The following ESM1 variants were observed in gnomAD, a reference collection of about 807,000 sequenced individuals.
ESM1 encodes the protein endothelial cell-specific molecule 1.
ESM1 carries 7 observed loss-of-function variants against 14.9 expected under a neutral mutation model. The ratio of observed to expected loss-of-function variants is 0.47; its 90% CI spans 0.27 to 0.88. The LOEUF is 0.88. ESM1 is among the 40% of genes least tolerant of loss of function. The probability of loss-of-function intolerance (pLI) is 0.14; values close to 1 mark genes in which losing one functional copy is unlikely to be tolerated. For missense variants in ESM1, 192 were observed against 237.9 expected (o/e 0.81, Z 1.27); for synonymous variants, 89 against 89.4 (o/e 1.00, Z 0.02).
chr5:54,983,802 T>C (rs539720449), intron 1 of ESM1, among the ~76,000 whole-genome samples: 1 of 152,330 alleles, frequency 6.6e-6, no homozygotes, highest in African/African-American at 2.4e-5. Flanking sequence ...TACAATCACA[T>C]GTACAAAGGC....
Position 54,985,512 on chromosome 5 carries a change from C to T in ESM1, c.6G>A (p.Lys2=), listed in dbSNP as rs766873594. 1 of 1,590,604 alleles carries T rather than the reference C, an allele frequency of 6.3e-7. No individual in the cohort carries two copies. The highest frequency in any genetic ancestry group is 8.6e-7 in the Non-Finnish European group (1 of 1,162,876). M[K]SVLLLTTLLV... ...GGAGCGTGGTCAGCAGCAAGACGCT[C>T]TTCATGTTTCCCAGCTGCCTCCGGC... is the stretch of plus-strand genomic sequence containing the variant. Residue 2 remains lysine (K), a synonymous_variant, in exon 1 of 3, where the codon AAG becomes AAA. Transcript: ENST00000381405.
intron 1 of ESM1, among the ~76,000 whole-genome samples, chr5:54,982,437 A>T (rs967027808): frequency 1.2e-4 from 18 of 152,322 alleles, no homozygotes; most frequent in African/African-American, 4.1e-4. Flanking sequence ...CATTCTGGTG[A>T]TGTTCTGCTT....
At chr5:54,984,573 G>A (rs534557913) in intron 1 of ESM1, among the ~76,000 whole-genome samples, 84 of 152,100 alleles carry the variant, frequency 5.5e-4, no homozygotes, top group African/African-American at 1.9e-3. Flanking sequence ...TTTCTCTATT[G>A]TTATTTTTCC....
chr5:54,985,493 T>C lies in ESM1; in HGVS notation c.25A>G (p.Thr9Ala). The C allele has an allele frequency of 1.2e-6, 2 of 1,601,110 alleles. No homozygotes were observed. The highest frequency in any genetic ancestry group is 1.7e-6 in the Non-Finnish European group (2 of 1,169,678). ...ACCAGGTGTGCAGGCACGAGGAGCG[T>C]GGTCAGCAGCAAGACGCTCTTCATG... MKSVLLLT[T>A]LLVPAHLVAA... The change falls in exon 1 of 3, where the codon ACG (threonine) becomes GCG (alanine). Residue 9 changes from threonine to alanine, a missense_variant. Thr to Ala is a moderately conservative substitution (Grantham distance 58, BLOSUM62 0). Transcript: ENST00000381405.
intron 1 of ESM1, among the ~76,000 whole-genome samples, 198 bp from the exon 2 acceptor site, chr5:54,982,344 T>C (rs1034156309): frequency 1.3e-5 from 2 of 152,154 alleles, no homozygotes; most frequent in Non-Finnish European, 2.9e-5. Context: ...TAAGAACAGA[T>C]AATGGATGCC....
chr5:54,979,348 C>A lies in ESM1; in HGVS notation c.539G>T (p.Trp180Leu), dbSNP rs756683828. Residue 180 changes from tryptophan (W) to leucine (L), a missense_variant, in exon 3 of 3, where the codon TGG (tryptophan) becomes TTG (leucine). Coordinates refer to ENST00000381405, the MANE Select transcript of ESM1 (RefSeq NM_007036.5). Reference sequence around the variant, plus strand: ...CAGCCGGGATCAGCGTGGATTTAACCATTTCCTCATTACGGGAGACCCGGC... The same window carrying A: ...CAGCCGGGATCAGCGTGGATTTAACAATTTCCTCATTACGGGAGACCCGGC... ...NAAGSPVMRK[W>L]LNPR The A allele has an allele frequency of 4.3e-6, 7 of 1,613,076 alleles. No homozygotes were observed. The Admixed American group carries it at 5.0e-5, about 12-fold the overall frequency.
Position 54,982,114 on chromosome 5 carries a change from T to G in ESM1, c.334A>C (p.Arg112=). ...CCTGACTGGCAGTTGCAGGTCTCTCTGCAATCCATCCCGAAGGTGCCGTAG... is the reference window on the plus strand; with the variant it reads ...CCTGACTGGCAGTTGCAGGTCTCTCGGCAATCCATCCCGAAGGTGCCGTAG... The part of the protein sequence containing the change: ...CPYGTFGMDC[R]ETCNCQSGIC... Residue 112 remains arginine, a synonymous_variant, in exon 2 of 3, where the codon AGA becomes CGA. Coordinates refer to ENST00000381405, the MANE Select transcript of ESM1 (RefSeq NM_007036.5). 1.2e-6 allele frequency: 2 copies of G among 1,614,174 alleles called. No homozygotes were observed. Among genetic ancestry groups the G allele is most frequent in the Non-Finnish European group, 1.7e-6 (2 of 1,179,996 alleles).
intron 1 of ESM1, among the ~76,000 whole-genome samples, chr5:54,984,991 G>C (rs1740505595): frequency 6.6e-6 from 1 of 152,172 alleles, no homozygotes; most frequent in African/African-American, 2.4e-5. Context: ...CTAAGGCAAC[G>C]AGTAAAATGC....
rs1442982884 is a variant in ESM1, at chr5:54,985,569, G to C, written c.-52C>G. ...CTCCAGTCGTGGTCTTTGCTGGTGGGAAGCAGCCGTCCAAACTGGTAGCTG... is the reference window on the plus strand; with the variant it reads ...CTCCAGTCGTGGTCTTTGCTGGTGGCAAGCAGCCGTCCAAACTGGTAGCTG... On this transcript the variant is annotated 5_prime_UTR_variant, in exon 1 of 3. Coordinates refer to ENST00000381405, the MANE Select transcript of ESM1 (RefSeq NM_007036.5). 5.9e-6 allele frequency: 9 copies of C among 1,518,264 alleles called. No homozygotes were observed. Among genetic ancestry groups the C allele is most frequent in the Non-Finnish European group, 8.9e-7 (1 of 1,122,484 alleles). The allele number at this position is 1,518,264 out of a possible 1,614,324, so 94.0% of individuals were successfully genotyped here.
chr5:54,982,369 G>T (rs1233462817), intron 1 of ESM1, among the ~76,000 whole-genome samples: 2 of 152,168 alleles, frequency 1.3e-5, no homozygotes, highest in African/African-American at 4.8e-5. Context: ...GCTTAGTGTT[G>T]TGATGTAAAG....
intron 1 of ESM1, 86 bp downstream of exon 1, chr5:54,985,131 T>C: frequency 3.1e-6 from 4 of 1,273,050 alleles, no homozygotes; most frequent in Middle Eastern, 2.1e-4. Flanking sequence ...CTCTTACTCT[T>C]GAGGAGCAAA....
chr5:54,979,586 T>C, intron 2 of ESM1, 151 bp from the exon 3 acceptor site: 1 of 617,794 alleles, frequency 1.6e-6, no homozygotes, highest in Non-Finnish European at 2.9e-6. Context: ...TCTATATCAG[T>C]GAGCACCTCT....
intron 1 of ESM1, among the ~76,000 whole-genome samples, chr5:54,983,969 G>T (rs1740465813): frequency 6.6e-6 from 1 of 152,070 alleles, no homozygotes; most frequent in Admixed American, 6.5e-5. Flanking sequence ...CTATTCAGTT[G>T]AAAGAAACAT....
intron 2 of ESM1, 144 bp from the exon 3 acceptor site, chr5:54,979,579 A>G (rs919405200): frequency 1.6e-6 from 1 of 627,284 alleles, no homozygotes; most frequent in African/African-American, 1.8e-5. Context: ...TCACTGCTCT[A>G]TATCAGTGAG....
At position 54,982,140 on chromosome 5, in the gene ESM1, G is replaced by A. The variant is rs868211750; in HGVS notation, c.308C>T (p.Pro103Leu). ...GCAATCCATCCCGAAGGTGCCGTAGGGACAGTCTGGGGACAAAGGAAAGGT... is the reference window on the plus strand; with the variant it reads ...GCAATCCATCCCGAAGGTGCCGTAGAGACAGTCTGGGGACAAAGGAAAGGT... ...GEEFGICKDC[P>L]YGTFGMDCRE... is the part of the protein sequence containing the mutation. The change falls in exon 2 of 3, where the codon CCC becomes CTC. Residue 103 changes from proline to leucine, a missense_variant. By Grantham distance (98) the Pro-to-Leu change is moderately conservative (BLOSUM62 -3). Transcript: ENST00000381405. 6.2e-7 allele frequency: 1 copy of A among 1,613,938 alleles called. No individual in the cohort carries two copies. Among genetic ancestry groups the A allele is most frequent in the Non-Finnish European group, 8.5e-7 (1 of 1,179,922 alleles).
At chr5:54,981,964 T>C in intron 2 of ESM1, 33 bp downstream of exon 2, 6 of 1,597,302 alleles carry the variant, frequency 3.8e-6, no homozygotes, top group Non-Finnish European at 5.1e-6. Context: ...ATGAGACTAT[T>C]CTTCCAATGC....
In ESM1 at chr5:54,981,982, A is replaced by G. The variant is rs1296031919; in HGVS notation, c.451+15T>C. 3.1e-6 allele frequency: 5 copies of G among 1,612,046 alleles called. No individual in the cohort carries two copies. Among genetic ancestry groups the G allele is most frequent in the Non-Finnish European group, 4.2e-6 (5 of 1,178,208 alleles). ...AGACTATTCTTCCAATGCTTATACC[A>G]GAATCAGTGCTTACCCGTGAGAGAA... On this transcript the variant is annotated intron_variant, in intron 2 of 2. Transcript: ENST00000381405.
intron 2 of ESM1, among the ~76,000 whole-genome samples, chr5:54,980,145 A>C (rs949002827): frequency 3.3e-5 from 5 of 152,186 alleles, no homozygotes; most frequent in Admixed American, 2.6e-4. Flanking sequence ...AGACCCTCGT[A>C]CACAAAAACT....
At chr5:54,981,155 T>C (rs1273185546) in intron 2 of ESM1, among the ~76,000 whole-genome samples, 1 of 152,222 alleles carries the variant, frequency 6.6e-6, no homozygotes, top group African/African-American at 2.4e-5. Context: ...TTATTTTTTG[T>C]GATGGGAACA....
Sources: gnomAD v4.1 joint callset for allele counts (sites outside exome capture counted in the v4.1 genomes callset) on GRCh38, gnomAD v4.1.1 for gene constraint, MANE v1.5 for transcripts, NCBI Gene and HGNC (gene_info 2026-07-23, HGNC 2026-07-21) for gene names.